TTLL5: variants seen among roughly 807,000 people sequenced by gnomAD.
TTLL5 encodes the protein tubulin polyglutamylase TTLL5.
Under a neutral mutation model 168.4 loss-of-function variants are expected in TTLL5, and 132 were observed. That is an observed-to-expected ratio of 0.78 (90% CI 0.68 to 0.91). The LOEUF is 0.91. TTLL5 is among the 40% of genes least tolerant of loss of function. The probability of loss-of-function intolerance (pLI) is 0.00; values close to 1 mark genes in which losing one functional copy is unlikely to be tolerated. For synonymous variants in TTLL5, 546 were observed against 558.6 expected (o/e 0.98, Z 0.32); for missense variants, 1,545 against 1,581.5 (o/e 0.98, Z 0.39).
intron 30 of TTLL5, among the ~76,000 whole-genome samples, chr14:75,890,540 T>C (rs1334568951): frequency 6.6e-6 from 1 of 152,058 alleles, no homozygotes; most frequent in Non-Finnish European, 1.5e-5. Flanking sequence ...TTTTGAAAAA[T>C]ATCAAGTATA....
chr14:75,877,522 A>G (rs1057198308), intron 29 of TTLL5, among the ~76,000 whole-genome samples: 23 of 152,118 alleles, frequency 1.5e-4, no homozygotes, highest in African/African-American at 2.9e-4. Flanking sequence ...TTGCTGTAGT[A>G]TGGCTGTTTC....
chr14:75,928,379 C>G (rs1178267460), intron 31 of TTLL5, among the ~76,000 whole-genome samples: 8 of 55,668 alleles, frequency 1.4e-4, no homozygotes, highest in African/African-American at 5.4e-4. Flanking sequence ...CACTGTATTT[C>G]TGCTTTACTC....
At chr14:75,900,336 A>G (rs529210205) in intron 30 of TTLL5, among the ~76,000 whole-genome samples, 20 of 152,288 alleles carry the variant, frequency 1.3e-4, no homozygotes, top group Admixed American at 9.2e-4. Context: ...GGGAGGGGCT[A>G]TGAGACAGTC....
chr14:75,758,023 C>T (rs186692544), intron 18 of TTLL5, among the ~76,000 whole-genome samples: 3 of 152,138 alleles, frequency 2.0e-5, no homozygotes, highest in Admixed American at 2.0e-4. Context: ...GTTTTGTCGC[C>T]ACTTTTTACA....
intron 9 of TTLL5, among the ~76,000 whole-genome samples, chr14:75,708,982 A>G (rs889288259): frequency 6.6e-6 from 1 of 152,172 alleles, no homozygotes; most frequent in African/African-American, 2.4e-5. Context: ...AAAAATTGCA[A>G]AAAACTCATA....
chr14:75,701,003 T>C (rs1280811190), intron 7 of TTLL5, among the ~76,000 whole-genome samples: 2 of 151,812 alleles, frequency 1.3e-5, no homozygotes, highest in African/African-American at 2.4e-5. Context: ...TAGAACTCTT[T>C]TTTGAGGCAT....
intron 18 of TTLL5, chr14:75,757,980 T>A (rs1890388680): frequency 1.8e-6 from 2 of 1,119,960 alleles, no homozygotes; most frequent in South Asian, 3.3e-5. Context: ...TCAGCTTGAA[T>A]AGTAACATAA....
intron 31 of TTLL5, among the ~76,000 whole-genome samples, chr14:75,943,268 A>G (rs1362631706): frequency 6.6e-6 from 1 of 152,178 alleles, no homozygotes; most frequent in Admixed American, 6.5e-5. Context: ...GATGTAAGGG[A>G]CAATAGGCAA....
intron 12 of TTLL5, among the ~76,000 whole-genome samples, chr14:75,726,227 A>G (rs1250707391): frequency 6.6e-6 from 1 of 152,146 alleles, no homozygotes; most frequent in African/African-American, 2.4e-5. Flanking sequence ...ACTAACTTTT[A>G]TCAGGTTTTT....
chr14:75,722,818 G>A (rs1285547964), intron 12 of TTLL5, among the ~76,000 whole-genome samples: 3 of 151,942 alleles, frequency 2.0e-5, no homozygotes, highest in Non-Finnish European at 2.9e-5. Flanking sequence ...GTAAGCCCTC[G>A]CTTGCTACCT....
intron 6 of TTLL5, 23 bp downstream of exon 6, chr14:75,690,345 C>T (rs146761563): frequency 1.1e-5 from 17 of 1,573,496 alleles, no homozygotes; most frequent in Middle Eastern, 1.7e-4. Context: ...CAGAGAATGC[C>T]CCAGTCCCCA....
At chr14:75,785,220 C>T (rs1262359201) in intron 26 of TTLL5, among the ~76,000 whole-genome samples, 6 of 145,434 alleles carry the variant, frequency 4.1e-5, no homozygotes, top group Admixed American at 1.4e-4. Flanking sequence ...GTTGCTGTGC[C>T]GCCAGGCTGG....
At position 75,776,756 on chromosome 14, in the gene TTLL5, C is replaced by A; in HGVS notation, c.2293C>A (p.Gln765Lys). ...FIIVYNKETE[Q>K]MAEKKSKKKV... ...TTTGGGCACTGGGTAGGAAACAGAA[C>A]AAATGGCTGAAAAGAAATCAAAGAA... The change falls in exon 23 of 32, where the codon CAA becomes AAA. Residue 765 changes from glutamine to lysine, a missense_variant. By Grantham distance (53) the Gln-to-Lys change is moderately conservative. Transcript: ENST00000298832. 3 of 1,613,412 alleles carry A rather than the reference C, an allele frequency of 1.9e-6. No individual in the cohort carries two copies. The highest frequency in any genetic ancestry group is 2.5e-6 in the Non-Finnish European group (3 of 1,179,654).
intron 28 of TTLL5, among the ~76,000 whole-genome samples, chr14:75,832,324 T>G (rs1895615661): frequency 6.6e-6 from 1 of 152,228 alleles, no homozygotes; most frequent in South Asian, 2.1e-4. Flanking sequence ...CTTTCTCCTA[T>G]CCAGTCTACA....
chr14:75,877,924 C>T (rs1304992019), intron 29 of TTLL5, among the ~76,000 whole-genome samples: 1 of 152,202 alleles, frequency 6.6e-6, no homozygotes, highest in Non-Finnish European at 1.5e-5. Context: ...TCCTGGGTTT[C>T]TTCTTATCAG....
intron 28 of TTLL5, among the ~76,000 whole-genome samples, chr14:75,821,253 G>A (rs1894814914): frequency 6.6e-6 from 1 of 152,128 alleles, no homozygotes; most frequent in East Asian, 1.9e-4. Flanking sequence ...TGTGGTCGGG[G>A]CGAAAAGAAT....
intron 12 of TTLL5, among the ~76,000 whole-genome samples, chr14:75,722,231 T>C (rs370628168): frequency 5.0e-4 from 76 of 152,244 alleles, no homozygotes; most frequent in South Asian, 1.9e-3. Context: ...GTTCTCCACA[T>C]TGCCTCCTCC....
intron 28 of TTLL5, among the ~76,000 whole-genome samples, chr14:75,848,068 TA>T (rs930144050): frequency 6.6e-6 from 1 of 151,382 alleles, no homozygotes; most frequent in Non-Finnish European, 1.5e-5. Flanking sequence ...GGAGAAGGTT[TA>T]AAAAAAAGGT....
chr14:75,735,097 C>T (rs918557027), intron 14 of TTLL5, 98 bp from the exon 15 acceptor site: 48 of 1,057,220 alleles, frequency 4.5e-5, no homozygotes, highest in Non-Finnish European at 6.7e-5. Flanking sequence ...ATATTTATGA[C>T]AGTGAAACTG....
Sources: gnomAD v4.1 joint callset for allele counts (sites outside exome capture counted in the v4.1 genomes callset) on GRCh38, gnomAD v4.1.1 for gene constraint, MANE v1.5 for transcripts, NCBI Gene and HGNC (gene_info 2026-07-23, HGNC 2026-07-21) for gene names.